FOXP2: variants seen among roughly 807,000 people sequenced by gnomAD.
The protein encoded by FOXP2 is forkhead box P2.
A neutral mutation model predicts 115.8 loss-of-function variants in FOXP2; 12 were observed. The observed-to-expected ratio is 0.10, with a 90% CI of 0.07 to 0.17. The LOEUF is 0.17. Among genes scored for constraint, FOXP2 ranks in the 10% least tolerant of loss-of-function variants. The pLI, the probability that FOXP2 is intolerant of heterozygous loss-of-function variation, is 1.00. For synonymous variants in FOXP2, 328 were observed against 297.7 expected (o/e 1.10, Z -1.05); for missense variants, 629 against 843.5 (o/e 0.75, Z 3.15).
intron 3 of FOXP2, among the ~76,000 whole-genome samples, chr7:114,585,523 T>C (rs1386498878): frequency 6.6e-6 from 1 of 151,700 alleles, no homozygotes; most frequent in Non-Finnish European, 1.5e-5. Context: ...CTTCAGTTAA[T>C]TTATGCTCAT....
chr7:114,570,782 T>C, intron 3 of FOXP2: 1 of 1,595,766 alleles, frequency 6.3e-7, no homozygotes, highest in Non-Finnish European at 8.6e-7. Context: ...AAAAGCCAAC[T>C]CCTGATTCTC....
At chr7:114,109,933 A>G (rs368170658) in intron 1 of FOXP2, among the ~76,000 whole-genome samples, 1 of 152,106 alleles carries the variant, frequency 6.6e-6, no homozygotes, top group East Asian at 1.9e-4. Flanking sequence ...TATTTTGTAT[A>G]CCAGCCCATT....
At chr7:114,110,273 C>G (rs1023383216) in intron 1 of FOXP2, among the ~76,000 whole-genome samples, 1 of 152,128 alleles carries the variant, frequency 6.6e-6, no homozygotes, top group African/African-American at 2.4e-5. Context: ...CATTCATTTT[C>G]ACAGAGAAAC....
chr7:114,364,089 TC>T (rs1791818682), intron 2 of FOXP2, among the ~76,000 whole-genome samples: 1 of 152,168 alleles, frequency 6.6e-6, no homozygotes, highest in African/African-American at 2.4e-5. Flanking sequence ...GAGCTCATTT[TC>T]CCCTTCAATT....
intron 1 of FOXP2, among the ~76,000 whole-genome samples, chr7:114,148,352 C>A (rs568360802): frequency 6.6e-6 from 1 of 152,056 alleles, no homozygotes; most frequent in African/African-American, 2.4e-5. Context: ...TTTCTAAAAA[C>A]TTTCTTTTTC....
chr7:114,254,275 A>G (rs368894934), intron 1 of FOXP2, among the ~76,000 whole-genome samples: 1 of 151,930 alleles, frequency 6.6e-6, no homozygotes, highest in Non-Finnish European at 1.5e-5. Context: ...AGTGTCTTGG[A>G]GTTGCTCTTC....
chr7:114,387,177 T>G (rs1374524349), intron 2 of FOXP2, among the ~76,000 whole-genome samples: 1 of 152,224 alleles, frequency 6.6e-6, no homozygotes, highest in Non-Finnish European at 1.5e-5. Context: ...ATTCATTCAA[T>G]CTCTTGCTTA....
In FOXP2 at chr7:114,130,111, C is replaced by G. The variant is rs147511153; in HGVS notation, c.-246-32833C>G. 3.0e-3 allele frequency among the ~76,000 whole-genome samples: 458 copies of G among 152,088 alleles called. 5 individuals carry two copies. The highest frequency in any genetic ancestry group is 0.011 in the African/African-American group (443 of 41,484). On this transcript the variant is annotated intron_variant, in intron 1 of 19. Coordinates refer to the FOXP2 transcript ENST00000635638. ...GGAGGATTGCTTGAGCCCAGGAGTT[C>G]AAGACTAGCCTAGGTAATGTGGTGA...
chr7:114,293,386 A>G (rs1323251274), intron 2 of FOXP2, among the ~76,000 whole-genome samples: 6 of 152,044 alleles, frequency 3.9e-5, no homozygotes, highest in Non-Finnish European at 7.4e-5. Flanking sequence ...AGAGGTATTC[A>G]TAGTGAGGAA....
intron 2 of FOXP2, among the ~76,000 whole-genome samples, chr7:114,348,720 T>G (rs1400108085): frequency 6.6e-6 from 1 of 152,094 alleles, no homozygotes; most frequent in Non-Finnish European, 1.5e-5. Flanking sequence ...CCTCACAGCT[T>G]TAAAATTCTA....
In FOXP2 at chr7:114,691,094, G is replaced by A. The variant is rs1312980259; in HGVS notation, c.*1168G>A. On this transcript the variant is annotated 3_prime_UTR_variant, in exon 17 of 17. Transcript: ENST00000350908. The stretch of plus-strand genomic sequence containing the variant: ...ACAAATGTGGATCACTGACCAAAAC[G>A]ATTATGTACTTGATGCAAATGCAGA... 1 of 454,020 alleles carries A rather than the reference G, an allele frequency of 2.2e-6. No homozygotes were observed. The highest frequency in any genetic ancestry group is 4.4e-6 in the Non-Finnish European group (1 of 226,754). 28.1% of individuals were successfully genotyped at this position (454,020 alleles called of 1,614,324 possible).
chr7:114,146,158 A>G (rs1792362874), intron 1 of FOXP2, among the ~76,000 whole-genome samples: 1 of 152,208 alleles, frequency 6.6e-6, no homozygotes, highest in Non-Finnish European at 1.5e-5. Flanking sequence ...ACTAGATACC[A>G]TGTAAACTTA....
intron 1 of FOXP2, among the ~76,000 whole-genome samples, chr7:114,137,580 T>C (rs1040699740): frequency 1.3e-5 from 2 of 152,150 alleles, no homozygotes; most frequent in African/African-American, 4.8e-5. Flanking sequence ...ATTTAAGTTA[T>C]ATTCTGGCTG....
chr7:114,366,117 T>C (rs1214785861), intron 2 of FOXP2, among the ~76,000 whole-genome samples: 1 of 152,160 alleles, frequency 6.6e-6, no homozygotes, highest in Non-Finnish European at 1.5e-5. Flanking sequence ...GAACTCATGC[T>C]CAAGGAAGGC....
At chr7:114,320,300 A>G (rs1797388814) in intron 2 of FOXP2, among the ~76,000 whole-genome samples, 1 of 152,184 alleles carries the variant, frequency 6.6e-6, no homozygotes, top group African/African-American at 2.4e-5. Context: ...TTATCACTTC[A>G]ACTTTCAAAA....
At chr7:114,482,892 T>C (rs1192409691) in intron 2 of FOXP2, among the ~76,000 whole-genome samples, 1 of 151,642 alleles carries the variant, frequency 6.6e-6, no homozygotes, top group East Asian at 1.9e-4. Flanking sequence ...TAGAAGAGAA[T>C]CCTAAAATTT....
chr7:114,473,045 C>G (rs1255911359), intron 2 of FOXP2, among the ~76,000 whole-genome samples: 1 of 152,180 alleles, frequency 6.6e-6, no homozygotes. Context: ...ATTAACCACA[C>G]TTTGTAGATC....
At chr7:114,177,504 TA>T in intron 1 of FOXP2, among the ~76,000 whole-genome samples, 1 of 152,136 alleles carries the variant, frequency 6.6e-6, no homozygotes, top group Non-Finnish European at 1.5e-5. Flanking sequence ...ATCCCTTCCT[TA>T]GTAGATGGAC....
intron 1 of FOXP2, among the ~76,000 whole-genome samples, chr7:114,121,396 A>G (rs918172773): frequency 6.6e-6 from 1 of 152,150 alleles, no homozygotes; most frequent in Non-Finnish European, 1.5e-5. Flanking sequence ...GTACTTTGTT[A>G]TCGCAGCCCA....
Sources: gnomAD v4.1 joint callset for allele counts (sites outside exome capture counted in the v4.1 genomes callset) on GRCh38, gnomAD v4.1.1 for gene constraint, MANE v1.5 for transcripts, NCBI Gene and HGNC (gene_info 2026-07-23, HGNC 2026-07-21) for gene names.